The following GNG2 variants were observed in gnomAD, a reference collection of about 807,000 sequenced individuals.
GNG2 encodes guanine nucleotide-binding protein G(I)/G(S)/G(O) subunit gamma-2.
GNG2 carries 5 observed loss-of-function variants against 5.5 expected under a neutral mutation model. That is an observed-to-expected ratio of 0.91 (90% CI 0.48 to 1.92). The LOEUF is 1.92. Ranked by LOEUF, GNG2 falls within the 30% of genes most tolerant of loss-of-function variation. The pLI, the probability that GNG2 is intolerant of heterozygous loss-of-function variation, is 0.01. For missense variants in GNG2, 55 were observed against 88.4 expected (o/e 0.62, Z 1.52); for synonymous variants, 28 against 32.0 (o/e 0.88, Z 0.42).
At chr14:51,961,957 G>C (rs1889639936) in intron 3 of GNG2, among the ~76,000 whole-genome samples, 1 of 152,200 alleles carries the variant, frequency 6.6e-6, no homozygotes, top group South Asian at 2.1e-4. Flanking sequence ...ATAGGAGAAT[G>C]ATAGGAATCC....
At chr14:51,958,602 C>A (rs75661305) in intron 3 of GNG2, among the ~76,000 whole-genome samples, 2,480 of 152,194 alleles carry the variant, frequency 0.016, 62 homozygotes, top group African/African-American at 0.057. Flanking sequence ...ACACCTGGCT[C>A]CCCTTATCCT....
chr14:51,827,862 T>G (rs546987435), intron 2 of GNG2: 6 of 629,740 alleles, frequency 9.5e-6, no homozygotes, highest in African/African-American at 5.5e-5. Context: ...AACGTTGAAG[T>G]GTTTATTCTC....
At chr14:51,851,245 A>T (rs1881894133) in intron 2 of GNG2, among the ~76,000 whole-genome samples, 3 of 152,212 alleles carry the variant, frequency 2.0e-5, no homozygotes, top group African/African-American at 7.2e-5. Flanking sequence ...GCGGGGAGAT[A>T]ATCTGGTGTC....
chr14:51,961,818 T>G (rs1303559313), intron 3 of GNG2, among the ~76,000 whole-genome samples: 1 of 152,036 alleles, frequency 6.6e-6, no homozygotes, highest in Non-Finnish European at 1.5e-5. Context: ...AAGGAGATAT[T>G]TGAGAGGGAA....
At chr14:51,854,474 C>A (rs1473385392) in intron 2 of GNG2, among the ~76,000 whole-genome samples, 1 of 152,054 alleles carries the variant, frequency 6.6e-6, no homozygotes, top group African/African-American at 2.4e-5. Context: ...GTATCCACAG[C>A]AAGGCCTCCA....
intron 3 of GNG2, among the ~76,000 whole-genome samples, chr14:51,953,255 C>G (rs951630898): frequency 6.6e-6 from 1 of 152,260 alleles, no homozygotes; most frequent in African/African-American, 2.4e-5. Context: ...AAATACTTTA[C>G]TGAGAGCTTT....
At chr14:51,911,299 T>C (rs997649805) in intron 2 of GNG2, among the ~76,000 whole-genome samples, 3 of 152,168 alleles carry the variant, frequency 2.0e-5, no homozygotes, top group African/African-American at 7.2e-5. Context: ...TAAATTCTGT[T>C]ACGGGGTAGG....
At chr14:51,888,105 C>T (rs1376495209) in intron 2 of GNG2, among the ~76,000 whole-genome samples, 3 of 152,076 alleles carry the variant, frequency 2.0e-5, no homozygotes, top group Admixed American at 6.6e-5. Flanking sequence ...AGATAATGAA[C>T]GTATTCATTC....
chr14:51,909,039 A>G (rs1380446920), intron 2 of GNG2, among the ~76,000 whole-genome samples: 1 of 152,156 alleles, frequency 6.6e-6, no homozygotes, highest in Non-Finnish European at 1.5e-5. Flanking sequence ...ATATTTACCT[A>G]TCATTATAAA....
chr14:51,896,203 T>C (rs1885181415), intron 2 of GNG2, among the ~76,000 whole-genome samples: 1 of 152,190 alleles, frequency 6.6e-6, no homozygotes, highest in Non-Finnish European at 1.5e-5. Flanking sequence ...GCATAGACCA[T>C]AGACCCGTTG....
chr14:51,847,017 C>T (rs549473618), intron 2 of GNG2: 1 of 152,246 alleles, frequency 6.6e-6, no homozygotes, highest in South Asian at 2.1e-4. Context: ...TCCATGGTAA[C>T]CAGAGGGGGG....
chr14:51,859,617 G>T (rs1882331119), upstream of GNG2, among the ~76,000 whole-genome samples: 1 of 152,126 alleles, frequency 6.6e-6, no homozygotes. Context: ...ACTATGTTTT[G>T]CAGATGAGGA....
At chr14:51,952,251 G>T in intron 3 of GNG2, 1 of 228,496 alleles carries the variant, frequency 4.4e-6, no homozygotes, top group Non-Finnish European at 8.5e-6. Context: ...CCTAGTAATG[G>T]ACCACAGGAT....
chr14:51,908,930 T>G (rs912418800), intron 2 of GNG2, among the ~76,000 whole-genome samples: 1 of 151,912 alleles, frequency 6.6e-6, no homozygotes, highest in Non-Finnish European at 1.5e-5. Flanking sequence ...ATTGTTATAT[T>G]TAAGTAAAAT....
chr14:51,855,760 G>A (rs1882126183), upstream of GNG2, among the ~76,000 whole-genome samples: 1 of 152,134 alleles, frequency 6.6e-6, no homozygotes, highest in Non-Finnish European at 1.5e-5. Flanking sequence ...GGCTGGCTTT[G>A]CTGGCACAGC....
At chr14:51,908,760 AG>A (rs1886115047) in intron 2 of GNG2, among the ~76,000 whole-genome samples, 1 of 23,366 alleles carries the variant, frequency 4.3e-5, no homozygotes, top group Non-Finnish European at 8.1e-5. Flanking sequence ...TTTTTTTTTT[AG>A]TAGAGATGGG....
chr14:51,896,108 A>C (rs561236179), intron 2 of GNG2, among the ~76,000 whole-genome samples: 1 of 152,370 alleles, frequency 6.6e-6, no homozygotes, highest in South Asian at 2.1e-4. Flanking sequence ...TTGGATTCAG[A>C]ACAGGAATTT....
chr14:51,943,280 A>AGG (rs1288138398), intron 2 of GNG2, among the ~76,000 whole-genome samples: 1 of 152,114 alleles, frequency 6.6e-6, no homozygotes, highest in Non-Finnish European at 1.5e-5. Context: ...TGTCTTTAAG[A>AGG]GGTATGTATG....
Position 51,886,850 on chromosome 14 carries a change from C to T in GNG2, c.-30+9193C>T, listed in dbSNP as rs986270466. 2.1e-4 allele frequency among the ~76,000 whole-genome samples: 32 copies of T among 152,160 alleles called. 1 individual carries two copies. Among genetic ancestry groups the T allele is most frequent in the East Asian group, 1.4e-3 (7 of 5,178 alleles). ...AAGGAAGTCTGCCACTGAGTTCATG[C>T]GGTTTAGTTTCCTGGGGTATAAGCC... is the stretch of plus-strand genomic sequence containing the variant. On this transcript the variant is annotated intron_variant, in intron 2 of 3. Transcript: ENST00000556766.
Sources: allele counts gnomAD v4.1 joint callset (sites outside exome capture counted in the v4.1 genomes callset), GRCh38; gene constraint gnomAD v4.1.1; transcripts MANE v1.5; gene names NCBI Gene and HGNC (gene_info 2026-07-23, HGNC 2026-07-21).